MUC22: variants seen among roughly 807,000 people sequenced by gnomAD.
MUC22 encodes mucin 22.
MUC22 carries 24 observed loss-of-function variants against 40.3 expected under a neutral mutation model. That is an observed-to-expected ratio of 0.60 (90% CI 0.43 to 0.84). The LOEUF is 0.84. MUC22 is among the 40% of genes least tolerant of loss of function. The pLI is 0.00. For synonymous variants in MUC22, 765 were observed against 844.5 expected, an observed-to-expected ratio of 0.91 and a Z score of 1.63; for missense variants, 1,926 against 2,130.7, an observed-to-expected ratio of 0.90 and a Z score of 1.89.
chr6:31,016,089 A>C (rs1298439681), intron 1 of MUC22, among the ~76,000 whole-genome samples: 1 of 139,514 alleles, frequency 7.2e-6, no homozygotes, highest in Non-Finnish European at 1.6e-5. Context: ...TTTCAAAGAG[A>C]TCTTTTTTTT....
exon 4 of MUC22, chr6:31,035,359 G>A (rs1766380441): frequency 5.5e-6 from 1 of 182,530 alleles, no homozygotes. Context: ...ACCAAGACAT[G>A]TCTAAGAAAC....
At chr6:31,020,473 C>T (rs1425031493) in intron 1 of MUC22, among the ~76,000 whole-genome samples, 2 of 102,040 alleles carry the variant, frequency 2.0e-5, no homozygotes, top group African/African-American at 3.7e-5. Flanking sequence ...TACGGAGTTT[C>T]GCTCTTGTTG....
intron 1 of MUC22, among the ~76,000 whole-genome samples, chr6:31,021,981 C>T (rs180745722): frequency 4.0e-5 from 6 of 151,738 alleles, no homozygotes; most frequent in Admixed American, 6.5e-5. Context: ...CTCCTGAAGC[C>T]AGCGAGCCCA....
intron 1 of MUC22, among the ~76,000 whole-genome samples, chr6:31,012,532 C>T (rs551645107): frequency 6.6e-6 from 1 of 151,710 alleles, no homozygotes; most frequent in African/African-American, 2.4e-5. Flanking sequence ...TCCTCTGGGC[C>T]AGGCACTGCT....
chr6:31,022,025 G>A (rs1026596590), intron 1 of MUC22, among the ~76,000 whole-genome samples: 13 of 152,040 alleles, frequency 8.6e-5, no homozygotes, highest in African/African-American at 2.7e-4. Flanking sequence ...AATTCCACAC[G>A]CATGGGCTTA....
chr6:31,022,747 G>A (rs1043286464), intron 1 of MUC22, among the ~76,000 whole-genome samples: 3 of 152,090 alleles, frequency 2.0e-5, no homozygotes, highest in African/African-American at 4.8e-5. Flanking sequence ...GGTAGACAGT[G>A]ATAAAGGTGT....
At chr6:31,021,915 T>G (rs114115115) in intron 1 of MUC22, among the ~76,000 whole-genome samples, 8,142 of 152,130 alleles carry the variant, frequency 0.054, 345 homozygotes, top group Non-Finnish European at 0.074. Context: ...GCTCACTTTT[T>G]GGGTCTACAC....
chr6:31,023,177 AAG>A (rs9278841), intron 1 of MUC22, among the ~76,000 whole-genome samples: 16,755 of 129,838 alleles, frequency 0.13, 1,196 homozygotes, highest in Non-Finnish European at 0.18. Flanking sequence ...AAAAAAAAAA[AAG>A]GCGAAAAATG....
chr6:31,026,608 G>A lies in MUC22; in HGVS notation c.1177G>A (p.Gly393Ser). ...TGAGACCACCGTCACCTCTACTGCA[G>A]GCTCTGAGACCACCACAGTCTCCAC... Residue 393 changes from glycine (G) to serine (S), a missense_variant, in exon 2 of 4, where the codon GGC (glycine) becomes AGC (serine). This residue lies in a region of MUC22 where 1,281 missense variants were observed against 1,337.8 expected (regional missense o/e 0.96). Transcript: ENST00000561890. 5 of 1,507,350 alleles carry A rather than the reference G, an allele frequency of 3.3e-6. 1 individual carries two copies. The highest frequency in any genetic ancestry group is 4.4e-6 in the Non-Finnish European group (5 of 1,128,762). 93.4% of individuals were successfully genotyped at this position (1,507,350 alleles called of 1,614,324 possible).
At chr6:31,017,181 A>G (rs9262478) in intron 1 of MUC22, among the ~76,000 whole-genome samples, 58,593 of 152,044 alleles carry the variant, frequency 0.39, 11,508 homozygotes, top group East Asian at 0.47. Context: ...GCTGAGGAGT[A>G]CTGGCGCACG....
At chr6:31,022,447 A>G (rs9262537) in intron 1 of MUC22, among the ~76,000 whole-genome samples, 39,885 of 150,802 alleles carry the variant, frequency 0.26, 5,341 homozygotes, top group East Asian at 0.38. Context: ...GTGAATCGAC[A>G]GGCAAGACTG....
rs56014365 is a variant in MUC22, at chr6:31,018,682, T to C, written c.71-6820T>C. 2.0e-3 allele frequency among the ~76,000 whole-genome samples: 310 copies of C among 152,416 alleles called. 1 individual carries two copies. Among genetic ancestry groups the C allele is most frequent in the African/African-American group, 6.9e-3 (285 of 41,602 alleles). ...ATTGGGGTCTACCCCATCATGCAAA[T>C]CTGTTTTCAATAAACTAAACTCACT... On this transcript the variant is annotated intron_variant, in intron 1 of 3. Coordinates refer to ENST00000561890, the Ensembl canonical transcript of MUC22.
At chr6:31,021,847 T>G (rs1764779128) in intron 1 of MUC22, among the ~76,000 whole-genome samples, 1 of 151,994 alleles carries the variant, frequency 6.6e-6, no homozygotes, top group Non-Finnish European at 1.5e-5. Context: ...CCTGCTTGGG[T>G]CGTTTTCCAC....
chr6:31,022,088 A>G (rs1764844376), intron 1 of MUC22, among the ~76,000 whole-genome samples: 1 of 152,136 alleles, frequency 6.6e-6, no homozygotes. Flanking sequence ...TGAGCCAGCG[A>G]GAGCACAAAC....
At chr6:31,031,612 T>A (rs937152515) in intron 2 of MUC22, among the ~76,000 whole-genome samples, 3 of 152,192 alleles carry the variant, frequency 2.0e-5, no homozygotes, top group African/African-American at 7.2e-5. Context: ...GGTGCACCCA[T>A]CACCCTAGTA....
At chr6:31,029,652 A>G (rs929353490) in exon 2 of MUC22, 3 of 1,535,066 alleles carry the variant, frequency 2.0e-6, no homozygotes, top group Non-Finnish European at 2.6e-6. Context: ...AGACCACCAC[A>G]GTCTCTACCA....
intron 1 of MUC22, among the ~76,000 whole-genome samples, chr6:31,016,860 G>A (rs904642397): frequency 1.3e-5 from 2 of 152,202 alleles, no homozygotes; most frequent in Non-Finnish European, 2.9e-5. Context: ...CCAGGTGGGC[G>A]TGGCCTCGGG....
At chr6:31,034,612 G>A (rs1766308740) in intron 3 of MUC22, 60 bp from the exon 4 acceptor site, 1 of 1,388,034 alleles carries the variant, frequency 7.2e-7, no homozygotes, top group African/African-American at 1.4e-5. Context: ...AGGCATGTAT[G>A]GTGATTAGGG....
chr6:31,006,258 G>T, upstream of MUC22: 1 of 233,226 alleles, frequency 4.3e-6, no homozygotes, highest in South Asian at 3.9e-5. Context: ...ACAAGGCACA[G>T]GAAATTTTTT....
Sources: gnomAD v4.1 joint callset for allele counts (sites outside exome capture counted in the v4.1 genomes callset) on GRCh38, gnomAD v4.1.1 for gene constraint, gnomAD v4.1.1 regional missense constraint, MANE v1.5 for transcripts, NCBI Gene and HGNC (gene_info 2026-07-23, HGNC 2026-07-21) for gene names.